NEK11: variants seen among roughly 807,000 people sequenced by gnomAD.
The protein encoded by NEK11 is serine/threonine-protein kinase Nek11.
A neutral mutation model predicts 80.7 loss-of-function variants in NEK11; 72 were observed. The observed-to-expected ratio is 0.89, with a 90% CI of 0.74 to 1.08. The LOEUF (loss-of-function observed/expected upper bound fraction) is 1.08. NEK11 is among the 50% of genes least tolerant of loss of function. The pLI is 0.00. For synonymous variants in NEK11, 251 were observed against 260.7 expected (o/e 0.96, Z 0.36); for missense variants, 764 against 763.6 (o/e 1.00, Z -0.01).
At chr3:131,144,331 T>A (rs62284206) in intron 7 of NEK11, among the ~76,000 whole-genome samples, 32,122 of 152,076 alleles carry the variant, frequency 0.21, 3,742 homozygotes, top group African/African-American at 0.31. Flanking sequence ...AAGAAAGAAA[T>A]GCAAATTGTA....
intron 17 of NEK11, among the ~76,000 whole-genome samples, chr3:131,339,394 A>G (rs2097251865): frequency 6.6e-6 from 1 of 152,210 alleles, no homozygotes; most frequent in Non-Finnish European, 1.5e-5. Context: ...GGCTCTGAAA[A>G]GTGAAAGTCA....
chr3:131,154,279 A>C (rs982443850), intron 9 of NEK11, among the ~76,000 whole-genome samples: 3 of 143,246 alleles, frequency 2.1e-5, no homozygotes. Context: ...TTGAGCATTC[A>C]AAAAAAAAAT....
At chr3:131,254,411 G>A (rs547295557) in intron 16 of NEK11, among the ~76,000 whole-genome samples, 1 of 152,272 alleles carries the variant, frequency 6.6e-6, no homozygotes, top group South Asian at 2.1e-4. Flanking sequence ...AAGAGCTTAA[G>A]CAAGGGAAGT....
intron 14 of NEK11, among the ~76,000 whole-genome samples, chr3:131,218,981 G>C (rs1269526650): frequency 6.6e-6 from 1 of 152,196 alleles, no homozygotes; most frequent in African/African-American, 2.4e-5. Context: ...GGAAGACAGT[G>C]TGGTGATTCC....
chr3:131,296,647 G>T (rs997458977), intron 17 of NEK11, among the ~76,000 whole-genome samples: 4 of 151,916 alleles, frequency 2.6e-5, no homozygotes, highest in Admixed American at 6.6e-5. Flanking sequence ...TTACTTGCAT[G>T]ATTTATTTTA....
At chr3:131,029,968 G>GA in intron 3 of NEK11, 90 bp downstream of exon 3, 1 of 1,227,602 alleles carries the variant, frequency 8.1e-7, no homozygotes, top group Non-Finnish European at 1.2e-6. Context: ...GGCCAGGTAT[G>GA]GTGGCTCATG....
intron 5 of NEK11, among the ~76,000 whole-genome samples, chr3:131,132,296 T>G (rs1482433429): frequency 6.6e-6 from 1 of 152,044 alleles, no homozygotes; most frequent in South Asian, 2.1e-4. Context: ...TAATTTACAT[T>G]ACTGACTTAT....
chr3:131,117,059 T>A (rs1375649621), intron 5 of NEK11, among the ~76,000 whole-genome samples: 1 of 152,252 alleles, frequency 6.6e-6, no homozygotes, highest in Non-Finnish European at 1.5e-5. Context: ...CACATGCCTA[T>A]GTCCTGAATG....
At position 131,190,477 on chromosome 3, in the gene NEK11, G is replaced by T. The variant is rs571152444; in HGVS notation, c.1399+19590G>T. On this transcript the variant is annotated intron_variant, in intron 14 of 17. Transcript: ENST00000383366. ...AGATCTGGTTGTTTAAAAGAGTGTAGCTTCTTCCCCCTTCTTGTTCCCTTC... is the reference window on the plus strand; with the variant it reads ...AGATCTGGTTGTTTAAAAGAGTGTATCTTCTTCCCCCTTCTTGTTCCCTTC... 3.0e-3 allele frequency among the ~76,000 whole-genome samples: 456 copies of T among 152,178 alleles called. 1 individual carries two copies. Among genetic ancestry groups the T allele is most frequent in the Middle Eastern group, 6.8e-3 (2 of 294 alleles).
chr3:131,332,411 C>G (rs1337313240), intron 17 of NEK11, among the ~76,000 whole-genome samples: 324 of 145,836 alleles, frequency 2.2e-3, no homozygotes, highest in East Asian at 8.6e-3. Flanking sequence ...AGGGTCCTGT[C>G]TGTTAGAAGG....
chr3:131,175,865 T>G (rs2092980248), intron 14 of NEK11, among the ~76,000 whole-genome samples: 1 of 152,174 alleles, frequency 6.6e-6, no homozygotes, highest in African/African-American at 2.4e-5. Flanking sequence ...CCAAGAACGA[T>G]GTGAGTGAAG....
rs2063933041 is a variant in NEK11 at position 131,026,933 on chromosome 3, C to T, written c.-243C>T. The T allele has an allele frequency of 6.6e-6, 1 of 152,286 alleles. No individual in the cohort carries two copies. Among genetic ancestry groups the T allele is most frequent in the Non-Finnish European group, 1.5e-5 (1 of 68,130 alleles). 9.4% of individuals were successfully genotyped at this position (152,286 alleles called of 1,614,324 possible). A position where few individuals can be genotyped will look rare whatever the true frequency, so the allele number is the denominator to read the frequency against. On this transcript the variant is annotated 5_prime_UTR_variant, in exon 1 of 18. Coordinates refer to ENST00000383366, the MANE Select transcript of NEK11 (RefSeq NM_024800.5). ...TGGCGCTCGGTGGGTGTGGTTGCCC[C>T]TAGTTTGAGGCCTGCCCGATTACCC...
chr3:131,314,786 G>A (rs150554998), intron 17 of NEK11, among the ~76,000 whole-genome samples: 61 of 152,300 alleles, frequency 4.0e-4, no homozygotes, highest in Non-Finnish European at 7.1e-4. Flanking sequence ...GACTTCAGTT[G>A]TCCTGGGACA....
At chr3:131,098,002 A>G (rs1447212791) in intron 4 of NEK11, among the ~76,000 whole-genome samples, 1 of 145,578 alleles carries the variant, frequency 6.9e-6, no homozygotes, top group Non-Finnish European at 1.6e-5. Context: ...ATAATGCCGC[A>G]TATCTACAAC....
chr3:131,217,007 G>A (rs1035501729), intron 14 of NEK11, among the ~76,000 whole-genome samples: 24 of 152,142 alleles, frequency 1.6e-4, no homozygotes, highest in African/African-American at 5.1e-4. Context: ...ACAATTGTGG[G>A]TCTCAGAGTG....
At chr3:131,030,120 A>G (rs2064577058) in intron 3 of NEK11, among the ~76,000 whole-genome samples, 1 of 152,104 alleles carries the variant, frequency 6.6e-6, no homozygotes, top group Non-Finnish European at 1.5e-5. Flanking sequence ...CATGCCTGTG[A>G]TCTCAGCTAC....
chr3:131,297,346 T>C (rs1170645228), intron 17 of NEK11, among the ~76,000 whole-genome samples: 1 of 152,166 alleles, frequency 6.6e-6, no homozygotes, highest in East Asian at 1.9e-4. Flanking sequence ...TTTTTAATGA[T>C]TGCCATTCTA....
chr3:131,261,081 C>A (rs1185310621), intron 16 of NEK11, among the ~76,000 whole-genome samples: 1 of 152,078 alleles, frequency 6.6e-6, no homozygotes. Context: ...AGAAATTTTT[C>A]AAAGAAATGA....
intron 16 of NEK11, among the ~76,000 whole-genome samples, chr3:131,268,116 C>T (rs564013029): frequency 6.6e-6 from 1 of 152,266 alleles, no homozygotes; most frequent in South Asian, 2.1e-4. Context: ...TTTTCAACTC[C>T]ATCAGGTCAT....
Sources: gnomAD v4.1 joint callset for allele counts (sites outside exome capture counted in the v4.1 genomes callset) on GRCh38, gnomAD v4.1.1 for gene constraint, MANE v1.5 for transcripts, NCBI Gene and HGNC (gene_info 2026-07-23, HGNC 2026-07-21) for gene names.